DNAH14: variants seen among roughly 807,000 people sequenced by gnomAD.
DNAH14 encodes the protein axonemal beta dynein heavy chain 14.
Under a neutral mutation model 520.9 loss-of-function variants are expected in DNAH14, and 478 were observed. The observed-to-expected ratio is 0.92, with a 90% CI of 0.85 to 0.99. The LOEUF is 0.99. Among genes scored for constraint, DNAH14 ranks in the 50% least tolerant of loss-of-function variants. The pLI is 0.00. For missense variants in DNAH14, 4,831 were observed against 5,234.5 expected (o/e 0.92, Z 2.38); for synonymous variants, 1,581 against 1,757.2 (o/e 0.90, Z 2.51).
At chr1:225,249,379 T>C (rs1574287861) in intron 43 of DNAH14, among the ~76,000 whole-genome samples, 1 of 152,182 alleles carries the variant, frequency 6.6e-6, no homozygotes. Context: ...CTTGACCTGG[T>C]GAATACATTT....
chr1:225,175,968 C>A (rs1191615618), intron 36 of DNAH14, among the ~76,000 whole-genome samples: 1 of 152,106 alleles, frequency 6.6e-6, no homozygotes, highest in African/African-American at 2.4e-5. Context: ...GTTGCCCAGA[C>A]TGGTCTTGAA....
Position 225,270,793 on chromosome 1 carries a change from C to T in DNAH14, c.7598C>T (p.Pro2533Leu), listed in dbSNP as rs1448337553. 4 of 1,551,080 alleles carry T rather than the reference C, an allele frequency of 2.6e-6. No homozygotes were observed. The East Asian group carries it at 7.3e-5, about 28-fold the overall frequency. The change falls in exon 50 of 86, where the codon CCA becomes CTA. Residue 2533 changes from proline to leucine, a missense_variant. Coordinates refer to ENST00000682510, the MANE Select transcript of DNAH14 (RefSeq NM_001367479.1). ...ACVPVVNDIS[P>L]RLLKHFSMLV... ...GTTCCAGTTGTGAATGATATCAGCC[C>T]ACGTCTTCTCAAACACTTTTCCATG...
chr1:225,069,346 C>G (rs1558854627), intron 17 of DNAH14, among the ~76,000 whole-genome samples: 1 of 152,158 alleles, frequency 6.6e-6, no homozygotes, highest in Admixed American at 6.5e-5. Context: ...GCGGGTTTGT[C>G]AGAGATGGCT....
At chr1:225,183,678 G>T (rs955999283) in intron 36 of DNAH14, among the ~76,000 whole-genome samples, 2 of 127,608 alleles carry the variant, frequency 1.6e-5, no homozygotes, top group African/African-American at 6.3e-5. Flanking sequence ...CCACTAGGTA[G>T]ATTAACAAAA....
intron 1 of DNAH14, among the ~76,000 whole-genome samples, chr1:224,934,501 G>A (rs565983367): frequency 1.3e-5 from 2 of 151,728 alleles, no homozygotes; most frequent in African/African-American, 4.8e-5. Context: ...AAAGAAAAAA[G>A]TATAAAAAAG....
chr1:224,983,224 C>T (rs191312702), intron 8 of DNAH14, among the ~76,000 whole-genome samples: 4 of 152,046 alleles, frequency 2.6e-5, no homozygotes, highest in African/African-American at 7.2e-5. Context: ...CTCTTTTAAC[C>T]GCTGTTGCTT....
chr1:225,097,343 A>T, intron 22 of DNAH14, 104 bp downstream of exon 22: 1 of 1,134,796 alleles, frequency 8.8e-7, no homozygotes. Flanking sequence ...AAACTATCTT[A>T]TCCTACCTAC....
At chr1:225,170,187 G>C (rs2082463354) in intron 36 of DNAH14, among the ~76,000 whole-genome samples, 1 of 152,168 alleles carries the variant, frequency 6.6e-6, no homozygotes. Context: ...AAAGACCGTT[G>C]AGGCTAGGAA....
intron 41 of DNAH14, among the ~76,000 whole-genome samples, chr1:225,222,443 A>C (rs1397853613): frequency 1.3e-5 from 2 of 152,182 alleles, no homozygotes; most frequent in Non-Finnish European, 2.9e-5. Flanking sequence ...ACGGACCCAA[A>C]GAGTGACCAG....
At chr1:225,075,281 C>A (rs571923933) in intron 17 of DNAH14, among the ~76,000 whole-genome samples, 1 of 152,206 alleles carries the variant, frequency 6.6e-6, no homozygotes, top group East Asian at 1.9e-4. Flanking sequence ...ATTGTCCTTC[C>A]TTGCTTTTCT....
chr1:225,060,007 GGA>G, intron 17 of DNAH14, among the ~76,000 whole-genome samples: 1 of 151,620 alleles, frequency 6.6e-6, no homozygotes, highest in South Asian at 2.1e-4. Context: ...TATGTGTCTT[GGA>G]GTTGCTCTTC....
chr1:225,362,552 G>T (rs2095504548), intron 75 of DNAH14, among the ~76,000 whole-genome samples: 1 of 144,218 alleles, frequency 6.9e-6, no homozygotes, highest in Non-Finnish European at 1.5e-5. Flanking sequence ...TCCAGCCTGG[G>T]CAACTGAGGA....
chr1:224,954,995 G>A lies in DNAH14; in HGVS notation c.114G>A (p.Val38=), dbSNP rs1432825527. The A allele has an allele frequency of 6.2e-7, 1 of 1,605,832 alleles. No homozygotes were observed. Among genetic ancestry groups the A allele is most frequent in the Non-Finnish European group, 8.5e-7 (1 of 1,174,438 alleles). ...ATGAAGAGAAAAAATATGAAGATGTGAAACCATTAGAGACTCAACCAGCTG... is the reference window on the plus strand; with the variant it reads ...ATGAAGAGAAAAAATATGAAGATGTAAAACCATTAGAGACTCAACCAGCTG... ...LRYEEKKYED[V]KPLETQPAEI... The change falls in exon 3 of 86, where the codon GTG becomes GTA. Residue 38 remains valine (V), a synonymous_variant. Transcript: ENST00000682510.
chr1:225,330,808 G>T (rs948737076), intron 64 of DNAH14, among the ~76,000 whole-genome samples: 6 of 152,200 alleles, frequency 3.9e-5, no homozygotes, highest in Non-Finnish European at 8.8e-5. Context: ...AGTATAATTT[G>T]ATTGTTTGTA....
chr1:225,006,445 G>A (rs1314493759), intron 9 of DNAH14, among the ~76,000 whole-genome samples: 2 of 152,080 alleles, frequency 1.3e-5, no homozygotes, highest in South Asian at 2.1e-4. Flanking sequence ...GAGAAATATC[G>A]CTGAATTCTT....
intron 2 of DNAH14, among the ~76,000 whole-genome samples, chr1:224,953,772 C>A (rs889839063): frequency 6.6e-6 from 1 of 152,028 alleles, no homozygotes; most frequent in African/African-American, 2.4e-5. Flanking sequence ...CTGTCTCTTA[C>A]ACTATACCAA....
chr1:225,324,236 A>G lies in DNAH14; in HGVS notation c.9510A>G (p.Leu3170=). The change falls in exon 63 of 86, where the codon CTA becomes CTG. Residue 3170 remains leucine (L), a synonymous_variant. Coordinates refer to ENST00000682510, the MANE Select transcript of DNAH14 (RefSeq NM_001367479.1). ...DSIPDKVFVK[L]KKIVTLPDFN... The stretch of plus-strand genomic sequence containing the variant: ...GTTCTCTCTAGGTTTTCGTGAAGCT[A>G]AAAAAAATTGTAACCTTACCTGATT... The G allele has an allele frequency of 1.3e-6, 2 of 1,527,142 alleles. No homozygotes were observed. The highest frequency in any genetic ancestry group is 1.2e-5 in the South Asian group (1 of 82,306). 94.6% of individuals were successfully genotyped at this position (1,527,142 alleles called of 1,614,324 possible).
chr1:225,334,145 GTCTAAGATTGTAGCCAGGGGCAGTGGC>G (rs1177247155), intron 66 of DNAH14, among the ~76,000 whole-genome samples: 3 of 152,102 alleles, frequency 2.0e-5, no homozygotes. Flanking sequence ...CCAGTAACAA[GTCTAAGATTGTAGCCAGGGGCAGTGGC>G]TCATGCCTGT....
chr1:225,298,997 A>G lies in DNAH14; in HGVS notation c.8470-1872A>G, dbSNP rs184113593. 2.7e-3 allele frequency among the ~76,000 whole-genome samples: 408 copies of G among 152,318 alleles called. 3 individuals carry two copies. The highest frequency in any genetic ancestry group is 9.2e-3 in the African/African-American group (382 of 41,582). ...TTGCCCTCCTGGGCTTCCAGTCACC[A>G]CAGGTACCTCTCCATCCTGTCACTG... On this transcript the variant is annotated intron_variant, in intron 55 of 85. Transcript: ENST00000682510.
Sources: allele counts gnomAD v4.1 joint callset (sites outside exome capture counted in the v4.1 genomes callset), GRCh38; gene constraint gnomAD v4.1.1; transcripts MANE v1.5; gene names NCBI Gene and HGNC (gene_info 2026-07-23, HGNC 2026-07-21).